HIVEP2: variants seen among roughly 807,000 people sequenced by gnomAD.
HIVEP2 encodes transcription factor HIVEP2.
Under a neutral mutation model 180.7 loss-of-function variants are expected in HIVEP2, and 14 were observed. The ratio of observed to expected loss-of-function variants is 0.08; its 90% confidence interval spans 0.05 to 0.12. HIVEP2 has a LOEUF of 0.12. HIVEP2 is among the 10% of genes least tolerant of loss of function. The pLI, the probability that HIVEP2 is intolerant of heterozygous loss-of-function variation, is 1.00. For synonymous variants in HIVEP2, 1,184 were observed against 1,136.4 expected (o/e 1.04, Z -0.84); for missense variants, 2,579 against 3,008.5 (o/e 0.86, Z 3.34).
chr6:142,813,431 A>C (rs1175661499), intron 2 of HIVEP2, among the ~76,000 whole-genome samples: 1 of 152,218 alleles, frequency 6.6e-6, no homozygotes, highest in Non-Finnish European at 1.5e-5. Context: ...ACATATATAC[A>C]TGGATGACAT....
chr6:142,862,157 T>C (rs945526363), intron 1 of HIVEP2, among the ~76,000 whole-genome samples: 1 of 152,178 alleles, frequency 6.6e-6, no homozygotes, highest in Non-Finnish European at 1.5e-5. Context: ...CTGTAGAGAA[T>C]AAACATTAAT....
intron 1 of HIVEP2, among the ~76,000 whole-genome samples, chr6:142,942,409 A>G (rs922829931): frequency 6.6e-6 from 1 of 152,208 alleles, no homozygotes; most frequent in African/African-American, 2.4e-5. Context: ...GTTCAAGCAG[A>G]CACATGCACC....
At chr6:142,870,358 T>A (rs1776259064) in intron 1 of HIVEP2, among the ~76,000 whole-genome samples, 1 of 152,154 alleles carries the variant, frequency 6.6e-6, no homozygotes, top group Non-Finnish European at 1.5e-5. Flanking sequence ...CAGGTGTTGT[T>A]GGGAGGATTA....
At chr6:142,831,259 G>A (rs1327595927) in intron 2 of HIVEP2, among the ~76,000 whole-genome samples, 1 of 152,200 alleles carries the variant, frequency 6.6e-6, no homozygotes, top group Non-Finnish European at 1.5e-5. Flanking sequence ...CCTGGGATTC[G>A]AGTCTCCACT....
chr6:142,928,026 A>G (rs1296875519), intron 1 of HIVEP2, among the ~76,000 whole-genome samples: 4 of 152,268 alleles, frequency 2.6e-5, no homozygotes, highest in African/African-American at 9.6e-5. Context: ...TAACATTTGA[A>G]CTAAGCAATG....
Position 142,865,159 on chromosome 6 carries a change from C to T in HIVEP2, c.-640-28112G>A, listed in dbSNP as rs188746632. ...TACTATTGCTCCAGGAAAACCAAAT[C>T]TCTTCTGAATGATTCCAGATATCCA... On this transcript the variant is annotated intron_variant, in intron 1 of 9. Transcript: ENST00000367603. Among the ~76,000 whole-genome samples the T allele has an allele frequency of 1.0e-3, 157 of 152,244 alleles. 1 individual carries two copies. The highest frequency in any genetic ancestry group is 3.5e-3 in the African/African-American group (146 of 41,550).
At chr6:142,805,658 C>T (rs909295963) in intron 2 of HIVEP2, among the ~76,000 whole-genome samples, 4 of 152,018 alleles carry the variant, frequency 2.6e-5, no homozygotes, top group African/African-American at 7.2e-5. Context: ...TCTGAGAAGA[C>T]TGCGTGTCTC....
chr6:142,773,739 C>T lies in HIVEP2; in HGVS notation c.1000G>A (p.Gly334Arg). 7 of 1,614,022 alleles carry T rather than the reference C, an allele frequency of 4.3e-6. No homozygotes were observed. The highest frequency in any genetic ancestry group is 5.9e-6 in the Non-Finnish European group (7 of 1,180,014). ...KVPILIIPKS[G>R]IPLPNESSQY... The stretch of plus-strand genomic sequence containing the variant: ...GAGCTTTCATTAGGGAGAGGAATCC[C>T]ACTTTTAGGGATAATCAAAATCGGC... Residue 334 changes from glycine to arginine, a missense_variant, in exon 5 of 10, where the codon GGG becomes AGG. This residue lies in a region of HIVEP2 where 142 missense variants were observed against 135.2 expected (regional missense o/e 1.05). Coordinates refer to ENST00000367603, the MANE Select transcript of HIVEP2 (RefSeq NM_006734.4).
intron 1 of HIVEP2, among the ~76,000 whole-genome samples, chr6:142,919,663 G>A (rs1361540152): frequency 6.6e-6 from 1 of 152,124 alleles, no homozygotes; most frequent in African/African-American, 2.4e-5. Context: ...TAAAGTCCAT[G>A]TTCAAACCTA....
Position 142,798,247 on chromosome 6 carries a change from C to T in HIVEP2, c.-527-14632G>A, listed in dbSNP as rs528178757. 9.3e-5 allele frequency among the ~76,000 whole-genome samples: 14 copies of T among 150,946 alleles called. 1 individual carries two copies. In the South Asian group the frequency reaches 2.9e-3, roughly 32 times the overall value. ...TCGCGCCACTGCACTCCAGCCTGGG[C>T]AACAGAGTGAGACTTCGTCTCAAAA... is the stretch of plus-strand genomic sequence containing the variant. On this transcript the variant is annotated intron_variant, in intron 2 of 9. Coordinates refer to ENST00000367603, the MANE Select transcript of HIVEP2 (RefSeq NM_006734.4).
In HIVEP2 at chr6:142,770,200, A is replaced by G; in HGVS notation, c.4539T>C (p.Ser1513=). The G allele has an allele frequency of 1.2e-6, 2 of 1,614,218 alleles. No homozygotes were observed. The highest frequency in any genetic ancestry group is 1.7e-6 in the Non-Finnish European group (2 of 1,180,032). Residue 1513 remains serine (S), a synonymous_variant, in exon 5 of 10, where the codon TCT becomes TCC. Coordinates refer to ENST00000367603, the MANE Select transcript of HIVEP2 (RefSeq NM_006734.4). This position sits in a 1 kb window ranked among gnomAD's most constrained non-coding sequence, Gnocchi z 4.7. ...EPKDGLQSGS[S]SFSSLSPSSS... ...AGGAGGGCGACAGCGAGGAGAAGGA[A>G]GATGACCCTGACTGCAAGCCATCTT...
Position 142,752,552 on chromosome 6 carries a change from T to C in HIVEP2, c.*555A>G, listed in dbSNP as rs1051714822. ...TTTGTTCTAGTTACGCAACAGTAAA[T>C]CCCATGCTTCACATAGAAAAGCAAT... On this transcript the variant is annotated 3_prime_UTR_variant, in exon 10 of 10. Coordinates refer to ENST00000367603, the MANE Select transcript of HIVEP2 (RefSeq NM_006734.4). The C allele has an allele frequency of 1.3e-5, 2 of 153,404 alleles. No homozygotes were observed. The highest frequency in any genetic ancestry group is 1.9e-4 in the East Asian group (1 of 5,210). The allele number at this position is 153,404 out of a possible 1,614,324, so 9.5% of individuals were successfully genotyped here.
At chr6:142,856,164 A>G (rs555158188) in intron 1 of HIVEP2, among the ~76,000 whole-genome samples, 2 of 152,234 alleles carry the variant, frequency 1.3e-5, no homozygotes, top group South Asian at 2.1e-4. Context: ...AATGGCAGGT[A>G]ACTGCATCGC....
At chr6:142,854,205 C>G (rs1775761236) in intron 1 of HIVEP2, among the ~76,000 whole-genome samples, 1 of 152,096 alleles carries the variant, frequency 6.6e-6, no homozygotes, top group Non-Finnish European at 1.5e-5. Context: ...TAGGCAATGT[C>G]TGGGAGTTCT....
intron 1 of HIVEP2, among the ~76,000 whole-genome samples, chr6:142,940,337 A>AAGTCATTACATATAG (rs1203254779): frequency 6.6e-6 from 1 of 152,250 alleles, no homozygotes; most frequent in Non-Finnish European, 1.5e-5. Flanking sequence ...CTTCAAACTG[A>AAGTCATTACATATAG]AGTCATTACA....
chr6:142,870,575 G>A (rs1210813748), intron 1 of HIVEP2, among the ~76,000 whole-genome samples: 3 of 152,134 alleles, frequency 2.0e-5, no homozygotes, highest in African/African-American at 7.2e-5. Flanking sequence ...ACAACAGTCT[G>A]AGAGATGCGA....
At chr6:142,791,326 C>G (rs972390265) in intron 2 of HIVEP2, among the ~76,000 whole-genome samples, 2 of 151,772 alleles carry the variant, frequency 1.3e-5, no homozygotes, top group African/African-American at 4.8e-5. Context: ...CCAGGAAAGA[C>G]TAGACAGAGG....
chr6:142,938,456 C>T (rs1778105384), intron 1 of HIVEP2, among the ~76,000 whole-genome samples: 2 of 152,206 alleles, frequency 1.3e-5, no homozygotes, highest in Non-Finnish European at 2.9e-5. Flanking sequence ...GTTTAAATCA[C>T]CTTTCCTATA....
intron 2 of HIVEP2, among the ~76,000 whole-genome samples, chr6:142,825,688 T>A (rs933289433): frequency 6.6e-5 from 10 of 152,174 alleles, no homozygotes; most frequent in Admixed American, 6.5e-4. Context: ...ATTTCCAAAC[T>A]TAATTCTCTA....
Sources: gnomAD v4.1 joint callset for allele counts (sites outside exome capture counted in the v4.1 genomes callset) on GRCh38, gnomAD v4.1.1 for gene constraint, gnomAD v4.1.1 regional missense constraint, Gnocchi (gnomAD v3.1) non-coding constraint, MANE v1.5 for transcripts, NCBI Gene and HGNC (gene_info 2026-07-23, HGNC 2026-07-21) for gene names.